Variants in XPR1 observed in about 807,000 individuals in gnomAD.
The protein encoded by XPR1 is solute carrier family 53 member 1.
In XPR1, 28 loss-of-function variants were observed where a neutral mutation model predicts 87.5. That is an observed-to-expected ratio of 0.32 (90% CI 0.24 to 0.44). The LOEUF (loss-of-function observed/expected upper bound fraction) is 0.44, where lower values mean the gene tolerates loss of function less well. XPR1 is among the 20% of genes least tolerant of loss of function. The probability of loss-of-function intolerance (pLI) is 1.00; values close to 1 mark genes in which losing one functional copy is unlikely to be tolerated. For synonymous variants in XPR1, 300 were observed against 306.1 expected (o/e 0.98, Z 0.21); for missense variants, 559 against 862.3 (o/e 0.65, Z 4.41).
intron 2 of XPR1, among the ~76,000 whole-genome samples, chr1:180,775,529 A>C (rs1321736889): frequency 6.6e-6 from 1 of 152,200 alleles, no homozygotes; most frequent in African/African-American, 2.4e-5. Context: ...GTTTATTGTA[A>C]CTTCAGTCTT....
At chr1:180,641,502 A>G (rs939632462) in intron 1 of XPR1, among the ~76,000 whole-genome samples, 1 of 152,160 alleles carries the variant, frequency 6.6e-6, no homozygotes, top group African/African-American at 2.4e-5. Flanking sequence ...GGTGAGAACA[A>G]TTATGTGGCT....
chr1:180,807,375 C>G (rs1033442394), intron 6 of XPR1, among the ~76,000 whole-genome samples: 1 of 152,104 alleles, frequency 6.6e-6, no homozygotes, highest in Non-Finnish European at 1.5e-5. Flanking sequence ...TTGCCAAATA[C>G]AAGACCAATA....
chr1:180,884,280 C>A lies in XPR1; in HGVS notation c.*214C>A. 1 of 472,924 alleles carries A rather than the reference C, an allele frequency of 2.1e-6. No individual in the cohort carries two copies. The highest frequency in any genetic ancestry group is 3.0e-5 in the South Asian group (1 of 33,534). 29.3% of individuals were successfully genotyped at this position (472,924 alleles called of 1,614,324 possible). ...TAATTTTAATTTTCTATTTTCAAAACAAATATTTACTTCATTTGCCAATCA... is the reference window on the plus strand; with the variant it reads ...TAATTTTAATTTTCTATTTTCAAAAAAAATATTTACTTCATTTGCCAATCA... On this transcript the variant is annotated 3_prime_UTR_variant, in exon 15 of 15. Transcript: ENST00000367590.
intron 6 of XPR1, among the ~76,000 whole-genome samples, chr1:180,808,537 A>G (rs989162835): frequency 5.3e-5 from 8 of 152,288 alleles, no homozygotes; most frequent in African/African-American, 1.9e-4. Context: ...AGCAGAAAAT[A>G]TTTATAAAAC....
chr1:180,714,349 T>TTC (rs71121047), intron 2 of XPR1, among the ~76,000 whole-genome samples: 5,678 of 71,838 alleles, frequency 0.079, 390 homozygotes, highest in Non-Finnish European at 0.093. Context: ...TTTTTCCCTG[T>TTC]TCTCTCTCTC....
At chr1:180,764,691 A>T (rs1347792502) in intron 2 of XPR1, among the ~76,000 whole-genome samples, 1 of 151,866 alleles carries the variant, frequency 6.6e-6, no homozygotes, top group Admixed American at 6.6e-5. Context: ...GCTGGTCTTA[A>T]ACTCCTGAGC....
intron 2 of XPR1, among the ~76,000 whole-genome samples, chr1:180,720,263 A>T (rs981507679): frequency 1.8e-4 from 28 of 152,210 alleles, no homozygotes; most frequent in African/African-American, 6.8e-4. Context: ...AATAAACCTG[A>T]TTATGAGGGA....
Position 180,702,280 on chromosome 1 carries a change from G to A in XPR1, c.121+19869G>A, listed in dbSNP as rs537974858. Among the ~76,000 whole-genome samples, 141 of 123,372 alleles carry A rather than the reference G, an allele frequency of 1.1e-3. 1 individual carries two copies. The highest frequency in any genetic ancestry group is 2.2e-3 in the Admixed American group (25 of 11,152). The allele number at this position is 123,372 out of a possible 152,430, so 80.9% of individuals were successfully genotyped here. A position where few individuals can be genotyped will look rare whatever the true frequency, so the allele number is the denominator to read the frequency against. ...GATTCTTAATCCTGAGTTCTAGTTTGATTGCACTGTGGTCTGAGAGATAGT... is the reference window on the plus strand; with the variant it reads ...GATTCTTAATCCTGAGTTCTAGTTTAATTGCACTGTGGTCTGAGAGATAGT... On this transcript the variant is annotated intron_variant, in intron 2 of 14. Transcript: ENST00000367590.
intron 6 of XPR1, among the ~76,000 whole-genome samples, chr1:180,807,654 C>T (rs190342640): frequency 2.6e-4 from 40 of 152,198 alleles, no homozygotes; most frequent in Admixed American, 8.5e-4. Flanking sequence ...AGATATAATA[C>T]GTTCCAGCTC....
intron 2 of XPR1, among the ~76,000 whole-genome samples, chr1:180,685,819 G>A (rs1476559761): frequency 6.6e-6 from 1 of 151,878 alleles, no homozygotes; most frequent in Non-Finnish European, 1.5e-5. Flanking sequence ...TATTTCTGTG[G>A]GATCGGTGGT....
chr1:180,687,296 A>G (rs1656817785), intron 2 of XPR1, among the ~76,000 whole-genome samples: 1 of 152,174 alleles, frequency 6.6e-6, no homozygotes, highest in Admixed American at 6.5e-5. Context: ...AGCTATTATT[A>G]GAGAAAAACT....
intron 2 of XPR1, among the ~76,000 whole-genome samples, chr1:180,695,562 C>G (rs1657138289): frequency 6.6e-6 from 1 of 152,102 alleles, no homozygotes. Context: ...TTTATAGTTT[C>G]AGGTCTTACA....
At chr1:180,814,346 T>G (rs899398841) in intron 7 of XPR1, among the ~76,000 whole-genome samples, 1 of 152,192 alleles carries the variant, frequency 6.6e-6, no homozygotes, top group African/African-American at 2.4e-5. Flanking sequence ...TTCTATTTCC[T>G]TAGGTGAATA....
At chr1:180,787,623 C>T (rs1649205227) in intron 2 of XPR1, 130 bp from the exon 3 acceptor site, 1 of 648,512 alleles carries the variant, frequency 1.5e-6, no homozygotes. Flanking sequence ...GTTCACAGTT[C>T]ACTTTTTCAG....
intron 2 of XPR1, among the ~76,000 whole-genome samples, chr1:180,727,711 T>C (rs1037745329): frequency 2.6e-5 from 4 of 152,170 alleles, no homozygotes; most frequent in Non-Finnish European, 5.9e-5. Context: ...GGCTGCTCCA[T>C]AGACAAGAGC....
At chr1:180,860,188 TAAATTTTTTTTAATGACAGTATCA>T (rs1324167936) in intron 11 of XPR1, among the ~76,000 whole-genome samples, 2 of 152,048 alleles carry the variant, frequency 1.3e-5, no homozygotes, top group Non-Finnish European at 2.9e-5. Flanking sequence ...TTAGAGTAGC[TAAATTTTTTTTAATGACAGTATCA>T]AATACTGTTG....
intron 2 of XPR1, among the ~76,000 whole-genome samples, chr1:180,719,546 G>A (rs1385240546): frequency 6.6e-6 from 1 of 152,156 alleles, no homozygotes; most frequent in Non-Finnish European, 1.5e-5. Context: ...ATTTAAAGAT[G>A]CTATTCTGTT....
rs554846230 is a variant in XPR1, at chr1:180,763,568, C to T, written c.122-24185C>T. Among the ~76,000 whole-genome samples, 3 of 152,224 alleles carry T rather than the reference C, an allele frequency of 2.0e-5. No homozygotes were observed. In the South Asian group the frequency reaches 6.2e-4, roughly 32 times the overall value. On this transcript the variant is annotated intron_variant, in intron 2 of 14. Coordinates refer to ENST00000367590, the MANE Select transcript of XPR1 (RefSeq NM_004736.4). Reference sequence around the variant, plus strand: ...AGTGGTGAAATAAATGTTTCTGAATCAAGGTGATTGTGATAAGAGCAATGA... The same window carrying T: ...AGTGGTGAAATAAATGTTTCTGAATTAAGGTGATTGTGATAAGAGCAATGA...
chr1:180,707,418 T>C (rs1571748293), intron 2 of XPR1, among the ~76,000 whole-genome samples: 1 of 152,340 alleles, frequency 6.6e-6, no homozygotes, highest in South Asian at 2.1e-4. Context: ...CTTCCACTTA[T>C]AAGTGAGAAC....
Sources: gnomAD v4.1 joint callset for allele counts (sites outside exome capture counted in the v4.1 genomes callset) on GRCh38, gnomAD v4.1.1 for gene constraint, MANE v1.5 for transcripts, NCBI Gene and HGNC (gene_info 2026-07-23, HGNC 2026-07-21) for gene names.